Variants in NSUN6 observed in about 807,000 individuals in gnomAD.
NSUN6 encodes the protein tRNA (cytosine(72)-C(5))-methyltransferase NSUN6.
A neutral mutation model predicts 58.0 loss-of-function variants in NSUN6; 64 were observed. That is an observed-to-expected ratio of 1.10 (90% CI 0.90 to 1.36). The LOEUF is 1.36. Among genes scored for constraint, NSUN6 ranks in the 40% most tolerant of loss-of-function variants. The pLI is 0.00. For synonymous variants in NSUN6, 231 were observed against 193.9 expected, an observed-to-expected ratio of 1.19 and a Z score of -1.59; for missense variants, 701 against 550.1, an observed-to-expected ratio of 1.27 and a Z score of -2.74.
Position 18,551,949 on chromosome 10 carries a change from T to C in NSUN6, c.945A>G (p.Glu315=), listed in dbSNP as rs2054631577. The C allele has an allele frequency of 6.2e-7, 1 of 1,607,076 alleles. No individual in the cohort carries two copies. Among genetic ancestry groups the C allele is most frequent in the Admixed American group, 1.7e-5 (1 of 59,836 alleles). The change falls in exon 9 of 11, where the codon GAA becomes GAG. Residue 315 remains glutamate (E), a synonymous_variant. Transcript: ENST00000377304. ...DTEGEPPFLP[E]SFDRILLDAP... ...CATCCAGAAGAATTCGGTCAAAGGA[T>C]TCTGGTAGAAATGGAGGTTCTCCTA...
chr10:18,602,432 C>T (rs1045220631), intron 6 of NSUN6, among the ~76,000 whole-genome samples: 1 of 152,058 alleles, frequency 6.6e-6, no homozygotes, highest in South Asian at 2.1e-4. Context: ...GATGGGGTTT[C>T]ACCGTGTTAG....
chr10:18,652,649 C>T (rs2059729829), upstream of NSUN6: 1 of 806,528 alleles, frequency 1.2e-6, no homozygotes, highest in African/African-American at 1.9e-5. Flanking sequence ...CAACCTCCAC[C>T]TCCTGGTTCA....
intron 9 of NSUN6, among the ~76,000 whole-genome samples, chr10:18,550,808 T>G (rs988370548): frequency 1.3e-5 from 2 of 151,558 alleles, no homozygotes; most frequent in Non-Finnish European, 2.9e-5. Flanking sequence ...CACTGCAACC[T>G]TCGCCTCCCG....
intron 8 of NSUN6, among the ~76,000 whole-genome samples, chr10:18,558,418 G>T (rs1358273568): frequency 6.6e-6 from 1 of 151,608 alleles, no homozygotes; most frequent in Non-Finnish European, 1.5e-5. Context: ...ATGGAGAATG[G>T]AATGTAATGG....
Position 18,548,197 on chromosome 10 carries a change from C to G in NSUN6, c.1112G>C (p.Ser371Thr). Residue 371 changes from serine to threonine, a missense_variant, in exon 10 of 11, where the codon AGC (serine) becomes ACC (threonine). Coordinates refer to ENST00000377304, the MANE Select transcript of NSUN6 (RefSeq NM_182543.5). ...LLKPEGVLVY[S>T]TCTITLAENE... Reference sequence around the variant, plus strand: ...TTCGGCCAGTGTTATAGTGCACGTGCTATAAACCAGCACACCCTCTGGCTT... The same window carrying G: ...TTCGGCCAGTGTTATAGTGCACGTGGTATAAACCAGCACACCCTCTGGCTT... 1 of 1,613,490 alleles carries G rather than the reference C, an allele frequency of 6.2e-7. No individual in the cohort carries two copies. The highest frequency in any genetic ancestry group is 1.3e-5 in the African/African-American group (1 of 75,014).
chr10:18,626,809 G>C (rs1407708198), intron 3 of NSUN6, among the ~76,000 whole-genome samples: 6 of 152,302 alleles, frequency 3.9e-5, no homozygotes, highest in Admixed American at 1.3e-4. Flanking sequence ...TAGGCTGAAA[G>C]AGAAGACAAA....
At chr10:18,586,442 C>T (rs1564762729) in intron 7 of NSUN6, among the ~76,000 whole-genome samples, 3 of 152,174 alleles carry the variant, frequency 2.0e-5, no homozygotes, top group South Asian at 2.1e-4. Context: ...GGAGTGAAGC[C>T]GCAGACCTTC....
intron 6 of NSUN6, among the ~76,000 whole-genome samples, chr10:18,604,988 C>A (rs2131286556): frequency 6.6e-6 from 1 of 151,132 alleles, no homozygotes. Flanking sequence ...CGGGTTCATG[C>A]CATTCTCCTG....
intron 2 of NSUN6, among the ~76,000 whole-genome samples, chr10:18,644,188 C>T (rs917323925): frequency 1.3e-5 from 2 of 152,236 alleles, no homozygotes; most frequent in African/African-American, 4.8e-5. Flanking sequence ...TAGGCAACCA[C>T]TATCTTTCTT....
intron 5 of NSUN6, among the ~76,000 whole-genome samples, chr10:18,613,150 G>A (rs2058295840): frequency 1.3e-5 from 2 of 151,940 alleles, no homozygotes; most frequent in Admixed American, 6.6e-5. Context: ...CACCCAGGCT[G>A]GAGTGCAGTG....
chr10:18,646,461 C>T (rs1481928921), intron 2 of NSUN6, among the ~76,000 whole-genome samples: 2 of 152,048 alleles, frequency 1.3e-5, no homozygotes, highest in Admixed American at 6.6e-5. Context: ...ACCCAAAGTC[C>T]AGAGTGACTG....
At chr10:18,582,732 A>C (rs2056960858) in intron 8 of NSUN6, among the ~76,000 whole-genome samples, 1 of 152,200 alleles carries the variant, frequency 6.6e-6, no homozygotes, top group Non-Finnish European at 1.5e-5. Flanking sequence ...AAGAGCAGGG[A>C]AAGAGACAAA....
chr10:18,580,284 C>T (rs1281534686), intron 8 of NSUN6, among the ~76,000 whole-genome samples: 1 of 152,178 alleles, frequency 6.6e-6, no homozygotes, highest in Non-Finnish European at 1.5e-5. Flanking sequence ...ATGACCCGCT[C>T]TTTTCTCCCT....
upstream of NSUN6, chr10:18,652,599 C>T (rs888032809): frequency 5.3e-6 from 5 of 939,544 alleles, no homozygotes; most frequent in Non-Finnish European, 6.3e-6. Flanking sequence ...GAGTCTCTGT[C>T]GCCCAGACTG....
chr10:18,645,829 A>C (rs2059530431), intron 2 of NSUN6, among the ~76,000 whole-genome samples: 1 of 152,174 alleles, frequency 6.6e-6, no homozygotes, highest in African/African-American at 2.4e-5. Context: ...TTTACATTTC[A>C]ACCTACAATG....
intron 8 of NSUN6, among the ~76,000 whole-genome samples, chr10:18,571,852 C>G (rs988292922): frequency 1.3e-5 from 2 of 151,438 alleles, no homozygotes; most frequent in African/African-American, 4.8e-5. Context: ...CCACGGCATT[C>G]CATTACATTT....
intron 6 of NSUN6, among the ~76,000 whole-genome samples, chr10:18,599,632 T>C (rs545809113): frequency 6.6e-6 from 1 of 152,220 alleles, no homozygotes; most frequent in East Asian, 1.9e-4. Flanking sequence ...CACATTAGAA[T>C]CACCTATGAA....
chr10:18,557,226 T>C (rs910319577), intron 8 of NSUN6, among the ~76,000 whole-genome samples: 1 of 148,836 alleles, frequency 6.7e-6, no homozygotes, highest in African/African-American at 2.5e-5. Context: ...AAAGAGAACA[T>C]GGAATGGAGA....
upstream of NSUN6, chr10:18,655,183 A>C: frequency 1.0e-6 from 1 of 976,936 alleles, no homozygotes; most frequent in Non-Finnish European, 1.2e-6. Context: ...CACCTAAGAA[A>C]GGAACAAACA....
Sources: allele counts gnomAD v4.1 joint callset (sites outside exome capture counted in the v4.1 genomes callset), GRCh38; gene constraint gnomAD v4.1.1; transcripts MANE v1.5; gene names NCBI Gene and HGNC (gene_info 2026-07-23, HGNC 2026-07-21).